RANBP2: variants seen among roughly 807,000 people sequenced by gnomAD.
RANBP2 encodes the protein RAN binding protein 2.
In RANBP2, 57 loss-of-function variants were observed where a neutral mutation model predicts 303.6. The ratio of observed to expected loss-of-function variants is 0.19; its 90% CI spans 0.15 to 0.23. The LOEUF is 0.23. Among genes scored for constraint, RANBP2 ranks in the 10% least tolerant of loss-of-function variants. The pLI, the probability that RANBP2 is intolerant of heterozygous loss-of-function variation, is 1.00. For synonymous variants in RANBP2, 1,167 were observed against 1,301.5 expected (o/e 0.90, Z 2.23); for missense variants, 3,138 against 3,780.8 (o/e 0.83, Z 4.46).
chr2:109,703,036 A>T, the RANBP2 span, among the ~76,000 whole-genome samples: 1 of 152,164 alleles, frequency 6.6e-6, no homozygotes, highest in Non-Finnish European at 1.5e-5. Context: ...GGGCTAGGAG[A>T]GGAATGTTCA....
chr2:109,733,622 G>A, the RANBP2 span, among the ~76,000 whole-genome samples: 1 of 152,134 alleles, frequency 6.6e-6, no homozygotes, highest in Admixed American at 6.5e-5. Context: ...TGAGGCCAAG[G>A]TGGTTGGATC....
At chr2:108,851,611 G>T in the RANBP2 span, among the ~76,000 whole-genome samples, 1,371 of 152,162 alleles carry the variant, frequency 9.0e-3, 27 homozygotes, top group African/African-American at 0.031. Flanking sequence ...CCTTTCTCTT[G>T]GGTTTTTATG....
At chr2:109,009,714 T>G in the RANBP2 span, among the ~76,000 whole-genome samples, 1 of 149,884 alleles carries the variant, frequency 6.7e-6, no homozygotes, top group Non-Finnish European at 1.5e-5. Context: ...TTTTTTTGTT[T>G]TTTTTTTTTT....
At chr2:108,940,392 G>A in the RANBP2 span, 1 of 152,394 alleles carries the variant, frequency 6.6e-6, no homozygotes, top group Non-Finnish European at 1.5e-5. Context: ...GCTCCTCCAT[G>A]GCCGAGCCGG....
the RANBP2 span, among the ~76,000 whole-genome samples, chr2:109,642,656 T>TA: frequency 0.35 from 48,352 of 137,650 alleles, 8,907 homozygotes; most frequent in Middle Eastern, 0.52. Flanking sequence ...CCATCTCAAA[T>TA]AAAAAAAAAA....
chr2:109,579,619 G>A, the RANBP2 span, among the ~76,000 whole-genome samples: 15 of 151,424 alleles, frequency 9.9e-5, no homozygotes, highest in East Asian at 1.6e-3. Flanking sequence ...CTGACCTCAG[G>A]TGATCCACCC....
At chr2:109,015,962 C>T in the RANBP2 span, among the ~76,000 whole-genome samples, 1 of 152,116 alleles carries the variant, frequency 6.6e-6, no homozygotes, top group Non-Finnish European at 1.5e-5. Flanking sequence ...TCATGCTGTT[C>T]AAGGGTCAGT....
At chr2:109,670,154 G>A in the RANBP2 span, among the ~76,000 whole-genome samples, 2 of 152,180 alleles carry the variant, frequency 1.3e-5, no homozygotes, top group African/African-American at 2.4e-5. Context: ...GCCTGGAATG[G>A]TGGGAAGCCC....
At chr2:109,286,873 C>T in the RANBP2 span, among the ~76,000 whole-genome samples, 12 of 152,272 alleles carry the variant, frequency 7.9e-5, no homozygotes, top group African/African-American at 2.2e-4. Flanking sequence ...ATTCGTTGAC[C>T]GGTCTGTCCC....
the RANBP2 span, chr2:108,876,134 C>T: frequency 6.2e-7 from 1 of 1,607,926 alleles, no homozygotes; most frequent in South Asian, 1.1e-5. Flanking sequence ...TCTGATGCTT[C>T]AAGAAATACA....
the RANBP2 span, among the ~76,000 whole-genome samples, chr2:109,203,862 G>C: frequency 6.6e-6 from 1 of 152,136 alleles, no homozygotes; most frequent in East Asian, 1.9e-4. Flanking sequence ...ACCTACCCCT[G>C]GGCCCTTCTT....
the RANBP2 span, among the ~76,000 whole-genome samples, chr2:109,567,199 ATATGT>A: frequency 6.6e-6 from 1 of 152,182 alleles, no homozygotes; most frequent in Non-Finnish European, 1.5e-5. Flanking sequence ...AACTTTGTAG[ATATGT>A]TAAGTCTCAG....
chr2:108,872,061 T>C, the RANBP2 span, among the ~76,000 whole-genome samples: 1 of 152,254 alleles, frequency 6.6e-6, no homozygotes, highest in Non-Finnish European at 1.5e-5. Flanking sequence ...TGTTTGAGAA[T>C]GCCTGAGGCT....
the RANBP2 span, among the ~76,000 whole-genome samples, chr2:109,481,062 T>C: frequency 6.6e-6 from 1 of 152,216 alleles, no homozygotes; most frequent in African/African-American, 2.4e-5. Context: ...ACAGGCAGCC[T>C]GAGGGCATTT....
At chr2:109,179,226 T>G in the RANBP2 span, among the ~76,000 whole-genome samples, 1 of 152,342 alleles carries the variant, frequency 6.6e-6, no homozygotes, top group Non-Finnish European at 1.5e-5. Flanking sequence ...TTCTACTTCC[T>G]GTTCTGACAT....
chr2:109,596,640 A>T, the RANBP2 span, among the ~76,000 whole-genome samples: 1 of 152,128 alleles, frequency 6.6e-6, no homozygotes, highest in East Asian at 1.9e-4. Context: ...AAAAGAAAAA[A>T]ATTAGAGGCT....
At chr2:109,610,095 G>GTT in the RANBP2 span, among the ~76,000 whole-genome samples, 964 of 143,416 alleles carry the variant, frequency 6.7e-3, 6 homozygotes, top group Non-Finnish European at 0.011. Context: ...TCCCTGAGGT[G>GTT]TTTTTTTTTT....
At chr2:108,955,199 C>G in the RANBP2 span, among the ~76,000 whole-genome samples, 1 of 152,168 alleles carries the variant, frequency 6.6e-6, no homozygotes, top group African/African-American at 2.4e-5. Context: ...CCTTGGTTGT[C>G]TCATCAGTAA....
chr2:109,222,386 G>A, the RANBP2 span, among the ~76,000 whole-genome samples: 2,809 of 152,214 alleles, frequency 0.018, 104 homozygotes, highest in African/African-American at 0.063. Context: ...TGAGGTGATG[G>A]ATATGCTAGT....
Sources: gnomAD v4.1 joint callset for allele counts (sites outside exome capture counted in the v4.1 genomes callset) on GRCh38, gnomAD v4.1.1 for gene constraint, MANE v1.5 for transcripts, NCBI Gene and HGNC (gene_info 2026-07-23, HGNC 2026-07-21) for gene names.